Variants in TSPAN9 observed in about 807,000 individuals in gnomAD.
TSPAN9 encodes the protein tetraspanin 9, also known as tetraspanin-9.
In TSPAN9, 16 loss-of-function variants were observed where a neutral mutation model predicts 31.0. The ratio of observed to expected loss-of-function variants is 0.52; its 90% CI spans 0.35 to 0.78. The LOEUF is 0.78. Among genes scored for constraint, TSPAN9 ranks in the 30% least tolerant of loss-of-function variants. The pLI is 0.01. For missense variants in TSPAN9, 272 were observed against 312.5 expected (o/e 0.87, Z 0.98); for synonymous variants, 145 against 121.6 (o/e 1.19, Z -1.27).
At chr12:3,279,205 G>T in intron 5 of TSPAN9, 139 bp downstream of exon 5, 1 of 796,470 alleles carries the variant, frequency 1.3e-6, no homozygotes, top group African/African-American at 1.7e-5. Flanking sequence ...TGGAACCAAG[G>T]GTTGGGAAAG....
chr12:3,103,776 G>A (rs928168266), intron 2 of TSPAN9, among the ~76,000 whole-genome samples: 1 of 152,096 alleles, frequency 6.6e-6, no homozygotes, highest in Non-Finnish European at 1.5e-5. Flanking sequence ...CACACTAAGT[G>A]TCCTCAGCCT....
At chr12:3,261,125 A>G (rs1862441945) in intron 3 of TSPAN9, among the ~76,000 whole-genome samples, 1 of 152,118 alleles carries the variant, frequency 6.6e-6, no homozygotes, top group Non-Finnish European at 1.5e-5. Context: ...GGAGAGTGGA[A>G]AGGAAGAGGT....
At chr12:3,262,931 G>T (rs568858789) in intron 3 of TSPAN9, among the ~76,000 whole-genome samples, 1 of 152,168 alleles carries the variant, frequency 6.6e-6, no homozygotes, top group East Asian at 1.9e-4. Context: ...GCATCTCCGA[G>T]CCTCGGTTTC....
chr12:3,231,135 A>G (rs2153976071), intron 3 of TSPAN9, among the ~76,000 whole-genome samples: 1 of 151,528 alleles, frequency 6.6e-6, no homozygotes, highest in Non-Finnish European at 1.5e-5. Flanking sequence ...TCGCCAGAGA[A>G]TGCCATACAT....
intron 3 of TSPAN9, among the ~76,000 whole-genome samples, chr12:3,232,929 C>T (rs1054524638): frequency 2.6e-5 from 4 of 152,186 alleles, no homozygotes; most frequent in African/African-American, 9.7e-5. Context: ...GAAAGATTTT[C>T]CTTTCCCTAC....
At chr12:3,193,775 C>T (rs1329732073) in intron 2 of TSPAN9, among the ~76,000 whole-genome samples, 2 of 152,226 alleles carry the variant, frequency 1.3e-5, no homozygotes, top group African/African-American at 2.4e-5. Context: ...CTGACTTGCT[C>T]CTGTCTCAGT....
chr12:3,117,301 G>T (rs1300255451), intron 2 of TSPAN9, among the ~76,000 whole-genome samples: 1 of 152,170 alleles, frequency 6.6e-6, no homozygotes, highest in African/African-American at 2.4e-5. Context: ...TCCTGATAGG[G>T]CAGAGTCGGT....
At chr12:3,254,314 TCCCTGGC>T in intron 3 of TSPAN9, among the ~76,000 whole-genome samples, 1 of 152,278 alleles carries the variant, frequency 6.6e-6, no homozygotes, top group African/African-American at 2.4e-5. Flanking sequence ...CTTGCCCTCA[TCCCTGGC>T]CCCTGCCCCA....
At position 3,228,958 on chromosome 12, in the gene TSPAN9, C is replaced by T. The variant is rs147947860; in HGVS notation, c.63+27702C>T. ...GCATCACTGCAATCCCTCATCTCCT[C>T]CTCCTCTGTATACCTCCCTTTGCCT... On this transcript the variant is annotated intron_variant, in intron 3 of 8. Transcript: ENST00000011898. Among the ~76,000 whole-genome samples, 41 of 152,324 alleles carry T rather than the reference C, an allele frequency of 2.7e-4. No homozygotes were observed. The South Asian group carries it at 6.0e-3, about 22-fold the overall frequency.
intron 2 of TSPAN9, among the ~76,000 whole-genome samples, chr12:3,161,789 ATC>A (rs2098345397): frequency 6.6e-6 from 1 of 150,646 alleles, no homozygotes. Context: ...CTATCTATCT[ATC>A]TATCTATCTA....
intron 2 of TSPAN9, among the ~76,000 whole-genome samples, chr12:3,092,132 C>T (rs1193390634): frequency 6.6e-6 from 1 of 152,180 alleles, no homozygotes. Context: ...TAGAGCTCCT[C>T]AGCCTGCTCC....
intron 3 of TSPAN9, among the ~76,000 whole-genome samples, chr12:3,201,806 A>C (rs1656404158): frequency 6.6e-6 from 1 of 152,242 alleles, no homozygotes; most frequent in African/African-American, 2.4e-5. Context: ...CCCCTGGCTC[A>C]AGCCGATGGA....
intron 2 of TSPAN9, among the ~76,000 whole-genome samples, chr12:3,165,833 G>A (rs180813859): frequency 1.3e-5 from 2 of 152,284 alleles, no homozygotes; most frequent in African/African-American, 2.4e-5. Flanking sequence ...TGGAGTTGCC[G>A]AGCTCCCAGG....
chr12:3,135,150 G>A (rs144037110), intron 2 of TSPAN9, among the ~76,000 whole-genome samples: 34 of 152,194 alleles, frequency 2.2e-4, no homozygotes, highest in African/African-American at 6.3e-4. Context: ...TGTCACGATC[G>A]GAGCTCACTG....
At chr12:3,093,884 A>G (rs1462320483) in intron 2 of TSPAN9, among the ~76,000 whole-genome samples, 1 of 152,180 alleles carries the variant, frequency 6.6e-6, no homozygotes, top group African/African-American at 2.4e-5. Flanking sequence ...ATTTTTAAAG[A>G]CAGGGTCTCG....
At chr12:3,153,753 G>A (rs61917862) in intron 2 of TSPAN9, among the ~76,000 whole-genome samples, 10 of 138,316 alleles carry the variant, frequency 7.2e-5, no homozygotes, top group African/African-American at 2.4e-4. Flanking sequence ...TGTCTGTTTC[G>A]CTTTCCTACT....
At chr12:3,127,299 T>A (rs1404974657) in intron 2 of TSPAN9, among the ~76,000 whole-genome samples, 1 of 152,030 alleles carries the variant, frequency 6.6e-6, no homozygotes, top group Non-Finnish European at 1.5e-5. Context: ...GTGACAACAG[T>A]GCCTTCTGGA....
intron 3 of TSPAN9, among the ~76,000 whole-genome samples, chr12:3,255,430 C>T (rs878928175): frequency 1.1e-4 from 16 of 152,194 alleles, no homozygotes; most frequent in Admixed American, 9.8e-4. Flanking sequence ...AAAAAGGAAA[C>T]GGGCCGAGCC....
chr12:3,197,301 A>C (rs1325170109), intron 2 of TSPAN9, among the ~76,000 whole-genome samples: 1 of 152,212 alleles, frequency 6.6e-6, no homozygotes, highest in African/African-American at 2.4e-5. Context: ...TGGGCCCCTC[A>C]GGAGCGGCCA....
Sources: gnomAD v4.1 joint callset for allele counts (sites outside exome capture counted in the v4.1 genomes callset) on GRCh38, gnomAD v4.1.1 for gene constraint, MANE v1.5 for transcripts, NCBI Gene and HGNC (gene_info 2026-07-23, HGNC 2026-07-21) for gene names.